Variants in WWTR1 observed in about 807,000 individuals in gnomAD.
WWTR1 encodes the protein WW domain containing transcription regulator 1.
Under a neutral mutation model 40.1 loss-of-function variants are expected in WWTR1, and 13 were observed. The observed-to-expected ratio is 0.32, with a 90% CI of 0.21 to 0.52. The LOEUF is 0.52. Among genes scored for constraint, WWTR1 ranks in the 20% least tolerant of loss-of-function variants. The pLI is 0.97. For synonymous variants in WWTR1, 230 were observed against 210.1 expected (o/e 1.09, Z -0.82); for missense variants, 436 against 523.1 (o/e 0.83, Z 1.63).
intron 2 of WWTR1, among the ~76,000 whole-genome samples, chr3:149,604,239 A>C (rs1294606140): frequency 2.0e-5 from 3 of 152,206 alleles, no homozygotes; most frequent in Non-Finnish European, 2.9e-5. Flanking sequence ...TCACACTGCC[A>C]ACACTGCCAG....
At chr3:149,554,879 T>C (rs78347729) in intron 3 of WWTR1, among the ~76,000 whole-genome samples, 4,147 of 152,298 alleles carry the variant, frequency 0.027, 181 homozygotes, top group South Asian at 0.2. Context: ...AAGAGGAAAT[T>C]TAGTTATTCA....
At position 149,517,346 on chromosome 3, in the gene WWTR1, A is replaced by C. The variant is rs368649695; in HGVS notation, c.*3459T>G. 1.3e-5 allele frequency: 2 copies of C among 152,230 alleles called. No individual in the cohort carries two copies. The highest frequency in any genetic ancestry group is 4.8e-5 in the African/African-American group (2 of 41,456). The allele number at this position is 152,230 out of a possible 1,614,324, so 9.4% of individuals were successfully genotyped here. On this transcript the variant is annotated 3_prime_UTR_variant, in exon 7 of 7. Coordinates refer to ENST00000360632, the MANE Select transcript of WWTR1 (RefSeq NM_015472.6). ...ATCGATTTGGCTGCATACTTTCGGTACGTATAACATTCTAAACTTAAAATA... is the reference window on the plus strand; with the variant it reads ...ATCGATTTGGCTGCATACTTTCGGTCCGTATAACATTCTAAACTTAAAATA...
intron 4 of WWTR1, among the ~76,000 whole-genome samples, chr3:149,722,540 G>T (rs556097847): frequency 2.6e-5 from 4 of 152,004 alleles, no homozygotes; most frequent in African/African-American, 9.7e-5. Flanking sequence ...GAGTGTGTTG[G>T]TTAATTTCCA....
chr3:149,564,124 A>G (rs996070354), intron 3 of WWTR1, among the ~76,000 whole-genome samples: 8 of 152,236 alleles, frequency 5.3e-5, no homozygotes, highest in Admixed American at 4.6e-4. Flanking sequence ...ACTCGAAAAC[A>G]GCATACCTTT....
At chr3:149,631,733 A>G (rs1255285346) in intron 2 of WWTR1, among the ~76,000 whole-genome samples, 1 of 152,082 alleles carries the variant, frequency 6.6e-6, no homozygotes, top group Non-Finnish European at 1.5e-5. Flanking sequence ...TAGTGACTGG[A>G]GCACAAATCC....
intron 2 of WWTR1, among the ~76,000 whole-genome samples, chr3:149,614,412 TAGGCTATGCATATA>T (rs1423237433): frequency 6.6e-6 from 1 of 152,180 alleles, no homozygotes; most frequent in East Asian, 1.9e-4. Context: ...TTAGGAGCAA[TAGGCTATGCATATA>T]GCCTATATGT....
intron 2 of WWTR1, among the ~76,000 whole-genome samples, chr3:149,609,860 T>C (rs890366015): frequency 2.6e-5 from 4 of 152,244 alleles, no homozygotes; most frequent in Non-Finnish European, 5.9e-5. Flanking sequence ...AAAACGAAGA[T>C]AAACGTTTCC....
chr3:149,656,829 G>A (rs753826966), intron 2 of WWTR1, 47 bp downstream of exon 2: 4 of 1,459,580 alleles, frequency 2.7e-6, no homozygotes, highest in South Asian at 1.4e-5. Flanking sequence ...ACACGCGCGC[G>A]TTGGGCACTG....
intron 4 of WWTR1, among the ~76,000 whole-genome samples, chr3:149,535,167 G>C (rs1234198478): frequency 6.6e-6 from 1 of 151,970 alleles, no homozygotes; most frequent in Non-Finnish European, 1.5e-5. Flanking sequence ...TGTGTGGCCA[G>C]GGACTCTACA....
intron 2 of WWTR1, among the ~76,000 whole-genome samples, chr3:149,610,521 T>C (rs1242424171): frequency 6.6e-6 from 1 of 152,200 alleles, no homozygotes; most frequent in Non-Finnish European, 1.5e-5. Flanking sequence ...TCAACACGGG[T>C]AAACAGTCTC....
intron 2 of WWTR1, among the ~76,000 whole-genome samples, chr3:149,626,046 A>C (rs541757975): frequency 6.6e-6 from 1 of 152,296 alleles, no homozygotes; most frequent in Admixed American, 6.5e-5. Context: ...TGCTACAACC[A>C]CATAGCAATG....
chr3:149,604,482 C>T (rs768234688), intron 2 of WWTR1, among the ~76,000 whole-genome samples: 2 of 152,172 alleles, frequency 1.3e-5, no homozygotes, highest in Non-Finnish European at 2.9e-5. Context: ...CAAATTTTAG[C>T]TACAATTTAG....
chr3:149,603,635 A>G (rs369462914), intron 2 of WWTR1, among the ~76,000 whole-genome samples: 4 of 150,302 alleles, frequency 2.7e-5, no homozygotes, highest in African/African-American at 9.9e-5. Flanking sequence ...GATACAGCTC[A>G]TTGGCATGCC....
At chr3:149,596,855 A>G (rs879263656) in intron 2 of WWTR1, among the ~76,000 whole-genome samples, 16 of 152,240 alleles carry the variant, frequency 1.1e-4, no homozygotes, top group Non-Finnish European at 1.8e-4. Context: ...TTGTGTTCCA[A>G]TAGTAGCTCC....
At chr3:149,654,516 T>C (rs186508962) in intron 2 of WWTR1, among the ~76,000 whole-genome samples, 3 of 152,178 alleles carry the variant, frequency 2.0e-5, no homozygotes, top group African/African-American at 7.2e-5. Context: ...GAAATGAAGA[T>C]GCACTCTGCT....
At chr3:149,673,520 C>T (rs1464756889) in intron 1 of WWTR1, among the ~76,000 whole-genome samples, 2 of 152,142 alleles carry the variant, frequency 1.3e-5, no homozygotes, top group Non-Finnish European at 2.9e-5. Flanking sequence ...CTCGGAAAGG[C>T]ATGTGAAAAT....
intron 2 of WWTR1, among the ~76,000 whole-genome samples, chr3:149,582,679 G>A (rs1184079315): frequency 3.9e-5 from 6 of 152,174 alleles, no homozygotes; most frequent in East Asian, 3.9e-4. Flanking sequence ...GCAGTGAGCC[G>A]TGATCATACC....
intron 1 of WWTR1, among the ~76,000 whole-genome samples, chr3:149,697,642 C>A (rs773161162): frequency 4.6e-5 from 7 of 152,206 alleles, no homozygotes; most frequent in East Asian, 3.8e-4. Context: ...ACCCCCAAAT[C>A]TCATGTCCTT....
Position 149,598,508 on chromosome 3 carries a change from T to C in WWTR1, c.432-25508A>G, listed in dbSNP as rs1469380203. On this transcript the variant is annotated intron_variant, in intron 2 of 6. Transcript: ENST00000360632. ...CAAGCCAAGCACTCTTGAAATTTTCTTTAATCTTCTTTCTAGTGTCTCCTA... is the reference window on the plus strand; with the variant it reads ...CAAGCCAAGCACTCTTGAAATTTTCCTTAATCTTCTTTCTAGTGTCTCCTA... 5.9e-5 allele frequency among the ~76,000 whole-genome samples: 9 copies of C among 152,372 alleles called. No individual in the cohort carries two copies. The South Asian group carries it at 1.4e-3, about 25-fold the overall frequency.
Sources: allele counts gnomAD v4.1 joint callset (sites outside exome capture counted in the v4.1 genomes callset), GRCh38; gene constraint gnomAD v4.1.1; transcripts MANE v1.5; gene names NCBI Gene and HGNC (gene_info 2026-07-23, HGNC 2026-07-21).